PCDHGA9: variants seen among roughly 807,000 people sequenced by gnomAD.
The protein encoded by PCDHGA9 is protocadherin gamma subfamily A, 9.
In PCDHGA9, 37 loss-of-function variants were observed where a neutral mutation model predicts 62.5. The observed-to-expected ratio is 0.59, with a 90% CI of 0.46 to 0.78. The LOEUF (loss-of-function observed/expected upper bound fraction) is 0.78. Ranked by LOEUF, PCDHGA9 falls within the 30% of genes least tolerant of loss-of-function variation. PCDHGA9 has a pLI of 0.00. For missense variants in PCDHGA9, 1,138 were observed against 1,166.2 expected, an observed-to-expected ratio of 0.98 and a Z score of 0.35; for synonymous variants, 459 against 484.6, an observed-to-expected ratio of 0.95 and a Z score of 0.69.
chr5:141,409,125 AT>A, intron 1 of PCDHGA9: 1 of 1,613,982 alleles, frequency 6.2e-7, no homozygotes, highest in Non-Finnish European at 8.5e-7. Context: ...CAGTCATTTG[AT>A]TTTGAAGATG....
chr5:141,453,323 G>A (rs1313870724), intron 1 of PCDHGA9, among the ~76,000 whole-genome samples: 1 of 151,482 alleles, frequency 6.6e-6, no homozygotes, highest in Non-Finnish European at 1.5e-5. Context: ...TTTAGAGATG[G>A]GGTCTCACTA....
Position 141,476,191 on chromosome 5 carries a change from C to T in PCDHGA9, c.2425-18616C>T. The T allele has an allele frequency of 6.2e-7, 1 of 1,613,860 alleles. No homozygotes were observed. The highest frequency in any genetic ancestry group is 8.5e-7 in the Non-Finnish European group (1 of 1,180,006). ...TGGGAGTTTTGCTTCTGCTTGGTGC[C>T]TTGAACAAGGCTTCCACGGTCATTC... On this transcript the variant is annotated intron_variant, in intron 1 of 3. Transcript: ENST00000573521. This position sits in a 1 kb window ranked among gnomAD's most constrained non-coding sequence, Gnocchi z 7.6.
intron 1 of PCDHGA9, chr5:141,441,529 A>C (rs1042479748): frequency 4.6e-5 from 8 of 172,366 alleles, no homozygotes; most frequent in African/African-American, 1.9e-4. Flanking sequence ...GGCCAAGAAC[A>C]ATCTTCCCAA....
rs749764130 is a variant in PCDHGA9, at chr5:141,403,422, C to T, written c.470C>T (p.Ala157Val). 1 of 1,613,912 alleles carries T rather than the reference C, an allele frequency of 6.2e-7. No individual in the cohort carries two copies. The highest frequency in any genetic ancestry group is 1.7e-5 in the Admixed American group (1 of 60,010). The change falls in exon 1 of 4, where the codon GCT becomes GTT. Residue 157 changes from alanine (A) to valine (V), a missense_variant. Coordinates refer to ENST00000573521, the MANE Select transcript of PCDHGA9 (RefSeq NM_018921.3). The stretch of plus-strand genomic sequence containing the variant: ...GGAGCACGTTATCCACTTCCAGAAG[C>T]TATTGATCCGGATGTTGGCGTGAAC... ...VPGARYPLPE[A>V]IDPDVGVNSL... is the part of the protein sequence containing the mutation.
chr5:141,489,069 C>G lies in PCDHGA9; in HGVS notation c.2425-5738C>G. ...TCAAATTCAGCTCCCCTCCCCCCTGCCCACCCCCGCCACTCGGTGACTAAG... is the reference window on the plus strand; with the variant it reads ...TCAAATTCAGCTCCCCTCCCCCCTGGCCACCCCCGCCACTCGGTGACTAAG... On this transcript the variant is annotated intron_variant, in intron 1 of 3. Coordinates refer to ENST00000573521, the MANE Select transcript of PCDHGA9 (RefSeq NM_018921.3). The surrounding 1 kb of genome is among the most constrained non-coding windows in gnomAD (Gnocchi z 4.5). 6.4e-5 allele frequency: 18 copies of G among 281,056 alleles called. No homozygotes were observed. Among genetic ancestry groups the G allele is most frequent in the Middle Eastern group, 1.1e-3 (1 of 944 alleles). 17.4% of individuals were successfully genotyped at this position (281,056 alleles called of 1,614,324 possible).
At chr5:141,435,215 C>G (rs4912753) in intron 1 of PCDHGA9, among the ~76,000 whole-genome samples, 81,908 of 151,924 alleles carry the variant, frequency 0.54, 24,122 homozygotes, top group African/African-American at 0.79. Flanking sequence ...AGTGAATTTA[C>G]TTTCTTTCAA....
At position 141,511,127 on chromosome 5, in the gene PCDHGA9, G is replaced by C; in HGVS notation, c.2753G>C (p.Gly918Ala). 1 of 1,614,194 alleles carries C rather than the reference G, an allele frequency of 6.2e-7. No individual in the cohort carries two copies. Among genetic ancestry groups the C allele is most frequent in the Non-Finnish European group, 8.5e-7 (1 of 1,180,018 alleles). The change falls in exon 4 of 4, where the codon GGT becomes GCT. Residue 918 changes from glycine to alanine, a missense_variant. Coordinates refer to ENST00000573521, the MANE Select transcript of PCDHGA9 (RefSeq NM_018921.3). ...AGKRDGKAPA[G>A]GNGNKKKSGK... ...AAGCGGGATGGCAAGGCCCCAGCAG[G>C]TGGCAATGGCAACAAGAAGAAGTCG...
chr5:141,421,926 C>T, intron 1 of PCDHGA9: 1 of 1,613,460 alleles, frequency 6.2e-7, no homozygotes, highest in Non-Finnish European at 8.5e-7. Context: ...GTGTGGTGGT[C>T]CTCGATGTAA....
At position 141,499,027 on chromosome 5, in the gene PCDHGA9, A is replaced by AG. The variant is rs1323149397; in HGVS notation, c.2483+4163dup. 7.4e-3 allele frequency among the ~76,000 whole-genome samples: 1,116 copies of AG among 149,928 alleles called. 12 individuals are homozygous for AG. Among genetic ancestry groups the AG allele is most frequent in the African/African-American group, 0.026 (1,074 of 40,604 alleles). On this transcript the variant is annotated intron_variant, in intron 2 of 3. Transcript: ENST00000573521. ...AAGGAAGGAAGGAAGGAAGGAAGGA[A>AG]GAAAAGAAAGAAAAAGGGAGAAAAA...
chr5:141,405,593 C>T (rs1262163993), intron 1 of PCDHGA9: 1 of 579,000 alleles, frequency 1.7e-6, no homozygotes, highest in African/African-American at 1.9e-5. Context: ...TACAGGCCTC[C>T]CAAGTAGAAT....
intron 1 of PCDHGA9, chr5:141,415,531 C>G (rs777787905): frequency 1.2e-6 from 2 of 1,614,030 alleles, no homozygotes; most frequent in Non-Finnish European, 1.7e-6. Context: ...GCTCATCAGC[C>G]AGGAGAGCTG....
At chr5:141,430,915 G>A (rs565034370) in intron 1 of PCDHGA9, 2 of 1,607,738 alleles carry the variant, frequency 1.2e-6, no homozygotes, top group East Asian at 4.5e-5. Context: ...CCAGGGACCT[G>A]GGGCTGGAGC....
chr5:141,433,571 C>T lies in PCDHGA9; in HGVS notation c.2424+28195C>T, dbSNP rs2097625242. ...TCTTTTCTGGCTGGGCGCGGTGGCT[C>T]ACGCCTGTAATCCCAGTACTTTGGG... On this transcript the variant is annotated intron_variant, in intron 1 of 3. Coordinates refer to ENST00000573521, the MANE Select transcript of PCDHGA9 (RefSeq NM_018921.3). 3.9e-5 allele frequency among the ~76,000 whole-genome samples: 6 copies of T among 152,228 alleles called. No homozygotes were observed. The South Asian group carries it at 1.2e-3, about 32-fold the overall frequency.
chr5:141,471,789 TCATATAAAAGA>T (rs777265354), intron 1 of PCDHGA9, among the ~76,000 whole-genome samples: 14 of 152,224 alleles, frequency 9.2e-5, no homozygotes, highest in Non-Finnish European at 1.9e-4. Flanking sequence ...TTATGCTATG[TCATATAAAAGA>T]CATATAAAAG....
In PCDHGA9 at chr5:141,511,216, C is replaced by A. The variant is rs374915167; in HGVS notation, c.*43C>A. On this transcript the variant is annotated 3_prime_UTR_variant, in exon 4 of 4. Coordinates refer to ENST00000573521, the MANE Select transcript of PCDHGA9 (RefSeq NM_018921.3). Reference sequence around the variant, plus strand: ...GAGCCACAGGGCGGCCTCTCCCCAACCAGCCCAGCTTCTCCTTACCTGCAC... The same window carrying A: ...GAGCCACAGGGCGGCCTCTCCCCAAACAGCCCAGCTTCTCCTTACCTGCAC... The A allele has an allele frequency of 6.2e-7, 1 of 1,608,004 alleles. No homozygotes were observed. The highest frequency in any genetic ancestry group is 1.3e-5 in the African/African-American group (1 of 74,736).
chr5:141,419,300 T>G (rs2096356436), intron 1 of PCDHGA9: 3 of 1,613,998 alleles, frequency 1.9e-6, no homozygotes, highest in Non-Finnish European at 2.5e-6. Context: ...TGACCCAGAC[T>G]TCGGGCTCAA....
intron 1 of PCDHGA9, chr5:141,475,917 C>T (rs1012431912): frequency 1.7e-6 from 1 of 599,962 alleles, no homozygotes. Context: ...AATGAAGACG[C>T]TGGAGATCGG....
intron 1 of PCDHGA9, among the ~76,000 whole-genome samples, chr5:141,456,917 C>G (rs1005360691): frequency 2.6e-5 from 4 of 152,032 alleles, no homozygotes; most frequent in Non-Finnish European, 5.9e-5. Context: ...GAGCCGAGAT[C>G]GCACCACTGC....
Position 141,485,627 on chromosome 5 carries a change from T to C in PCDHGA9, c.2425-9180T>C. 3 of 1,612,072 alleles carry C rather than the reference T, an allele frequency of 1.9e-6. No individual in the cohort carries two copies. Among genetic ancestry groups the C allele is most frequent in the Non-Finnish European group, 2.5e-6 (3 of 1,178,530 alleles). On this transcript the variant is annotated intron_variant, in intron 1 of 3. Transcript: ENST00000573521. This position sits in a 1 kb window ranked among gnomAD's most constrained non-coding sequence, Gnocchi z 5.7. ...GGAGGCAGCTCCTCCAGGACAGCGT[T>C]TCCCGTTGGAAAAGGCTCAGGATGC...
Sources: gnomAD v4.1 joint callset for allele counts (sites outside exome capture counted in the v4.1 genomes callset) on GRCh38, gnomAD v4.1.1 for gene constraint, Gnocchi (gnomAD v3.1) non-coding constraint, MANE v1.5 for transcripts, NCBI Gene and HGNC (gene_info 2026-07-23, HGNC 2026-07-21) for gene names.